ATP2B2: variants seen among roughly 807,000 people sequenced by gnomAD.
ATP2B2 encodes the protein ATPase plasma membrane Ca2+ transporting 2, also known as plasma membrane calcium-transporting ATPase 2.
A neutral mutation model predicts 120.0 loss-of-function variants in ATP2B2; 15 were observed. That is an observed-to-expected ratio of 0.12 (90% CI 0.08 to 0.19). ATP2B2 has a LOEUF of 0.19. ATP2B2 is among the 10% of genes least tolerant of loss of function. ATP2B2 has a pLI of 1.00. For missense variants in ATP2B2, 1,045 were observed against 1,719.8 expected (o/e 0.61, Z 6.94); for synonymous variants, 694 against 700.3 (o/e 0.99, Z 0.14).
chr3:10,679,836 C>T (rs1380801110), intron 1 of ATP2B2, among the ~76,000 whole-genome samples: 1 of 152,060 alleles, frequency 6.6e-6, no homozygotes, highest in Non-Finnish European at 1.5e-5. Flanking sequence ...GAATGGTAAA[C>T]CCAATGCAGG....
chr3:10,557,342 G>A (rs934764744), intron 2 of ATP2B2, among the ~76,000 whole-genome samples: 3 of 152,222 alleles, frequency 2.0e-5, no homozygotes, highest in Non-Finnish European at 4.4e-5. Context: ...TCAAGCTGCC[G>A]ATGCTTTGCC....
At chr3:10,609,918 G>A (rs1014250018) in intron 2 of ATP2B2, among the ~76,000 whole-genome samples, 1 of 151,996 alleles carries the variant, frequency 6.6e-6, no homozygotes, top group African/African-American at 2.4e-5. Flanking sequence ...GCCACAATGG[G>A]GCTTCTGATG....
At chr3:10,601,054 C>T (rs2068894966) in intron 2 of ATP2B2, among the ~76,000 whole-genome samples, 2 of 152,190 alleles carry the variant, frequency 1.3e-5, no homozygotes, top group Admixed American at 1.3e-4. Context: ...CCAGGAGACC[C>T]CTGTGGGTCT....
chr3:10,417,480 T>C (rs1371733319), intron 2 of ATP2B2, among the ~76,000 whole-genome samples: 4 of 152,214 alleles, frequency 2.6e-5, no homozygotes, highest in Non-Finnish European at 4.4e-5. Context: ...CGGCCCACAA[T>C]GGGTGTCCTG....
chr3:10,365,473 G>C (rs146070762), intron 12 of ATP2B2, among the ~76,000 whole-genome samples: 42 of 152,306 alleles, frequency 2.8e-4, no homozygotes, highest in African/African-American at 8.7e-4. Context: ...TCCCCAGAGT[G>C]GGGGAGGGCA....
chr3:10,523,914 T>G (rs565360957), intron 3 of ATP2B2, among the ~76,000 whole-genome samples: 1 of 152,152 alleles, frequency 6.6e-6, no homozygotes. Flanking sequence ...CAGCTACTTG[T>G]GAGAGCAGCC....
At chr3:10,452,283 G>A (rs536497664) in intron 1 of ATP2B2, among the ~76,000 whole-genome samples, 3 of 152,344 alleles carry the variant, frequency 2.0e-5, no homozygotes, top group African/African-American at 7.2e-5. Context: ...TCTGGGGAGA[G>A]TGTTGGCATT....
intron 1 of ATP2B2, among the ~76,000 whole-genome samples, chr3:10,660,424 C>A (rs142087920): frequency 2.0e-3 from 304 of 152,116 alleles, no homozygotes; most frequent in African/African-American, 4.2e-3. Context: ...ATATCACCAG[C>A]GATCCCACAG....
Position 10,388,271 on chromosome 3 carries a change from G to C in ATP2B2, c.907+6C>G, listed in dbSNP as rs767959188. On this transcript the variant is annotated splice_donor_region_variant and intron_variant, in intron 6 of 22. Transcript: ENST00000360273. ...CTCTCCTGGTCTGCAAGGGGATTAGGCTTACCTTTTTTGTCTTTCTTCTCT... is the reference window on the plus strand; with the variant it reads ...CTCTCCTGGTCTGCAAGGGGATTAGCCTTACCTTTTTTGTCTTTCTTCTCT... The C allele has an allele frequency of 6.8e-6, 11 of 1,614,124 alleles. No individual in the cohort carries two copies. Among genetic ancestry groups the C allele is most frequent in the African/African-American group, 1.3e-5 (1 of 75,026 alleles).
At position 10,449,573 on chromosome 3, in the gene ATP2B2, C is replaced by T. The variant is rs375858286; in HGVS notation, c.-30G>A. ...GCTGCGGTCCTTGCTCGGGCTGGGC[C>T]CAAGGGTCAGCGCTGGACAAGAGGC... On this transcript the variant is annotated 5_prime_UTR_variant, in exon 2 of 23. Coordinates refer to ENST00000360273, the MANE Select transcript of ATP2B2 (RefSeq NM_001001331.4). 1 of 1,613,872 alleles carries T rather than the reference C, an allele frequency of 6.2e-7. No homozygotes were observed. Among genetic ancestry groups the T allele is most frequent in the African/African-American group, 1.3e-5 (1 of 74,912 alleles).
intron 1 of ATP2B2, among the ~76,000 whole-genome samples, chr3:10,650,808 C>T (rs1464033240): frequency 6.6e-6 from 1 of 152,192 alleles, no homozygotes; most frequent in Non-Finnish European, 1.5e-5. Context: ...CAATGCCAGC[C>T]CCTGAAAGCA....
chr3:10,656,827 C>A (rs1403722792), intron 1 of ATP2B2, among the ~76,000 whole-genome samples: 1 of 152,214 alleles, frequency 6.6e-6, no homozygotes, highest in Non-Finnish European at 1.5e-5. Flanking sequence ...AAGAAGAAGC[C>A]AGCCCTGGGA....
chr3:10,407,240 T>A (rs980151565), intron 3 of ATP2B2, among the ~76,000 whole-genome samples: 7 of 152,160 alleles, frequency 4.6e-5, no homozygotes, highest in African/African-American at 1.7e-4. Flanking sequence ...GGGCTGAGGA[T>A]GTCCATTCCA....
At chr3:10,337,653 G>A (rs3846108) in intron 22 of ATP2B2, among the ~76,000 whole-genome samples, 29,804 of 152,130 alleles carry the variant, frequency 0.2, 3,295 homozygotes, top group South Asian at 0.27. Context: ...GTCTGTGTGT[G>A]CTTGAGGATG....
At chr3:10,492,762 AC>A (rs1413153160) in intron 1 of ATP2B2, among the ~76,000 whole-genome samples, 1 of 152,088 alleles carries the variant, frequency 6.6e-6, no homozygotes, top group Non-Finnish European at 1.5e-5. Flanking sequence ...CAACCTCTCC[AC>A]TGTCATTTCT....
intron 1 of ATP2B2, among the ~76,000 whole-genome samples, chr3:10,680,742 C>T (rs2125702140): frequency 6.6e-6 from 1 of 152,270 alleles, no homozygotes; most frequent in East Asian, 1.9e-4. Flanking sequence ...TATGGCTTTC[C>T]TGGGAAAACA....
chr3:10,666,362 C>T (rs952235417), intron 1 of ATP2B2, among the ~76,000 whole-genome samples: 8 of 152,222 alleles, frequency 5.3e-5, no homozygotes, highest in Non-Finnish European at 1.2e-4. Flanking sequence ...GACCTGGAAC[C>T]TTGCTCCTCT....
At chr3:10,636,160 C>T (rs2070016039) in intron 1 of ATP2B2, among the ~76,000 whole-genome samples, 1 of 152,198 alleles carries the variant, frequency 6.6e-6, no homozygotes, top group African/African-American at 2.4e-5. Flanking sequence ...TCCTGCAGCC[C>T]ATGAGCATTC....
intron 2 of ATP2B2, among the ~76,000 whole-genome samples, chr3:10,443,386 T>G (rs962820296): frequency 6.6e-6 from 1 of 152,092 alleles, no homozygotes; most frequent in Admixed American, 6.5e-5. Context: ...CCAGGTCTGA[T>G]CTATCAGCCC....
Sources: allele counts gnomAD v4.1 joint callset (sites outside exome capture counted in the v4.1 genomes callset), GRCh38; gene constraint gnomAD v4.1.1; transcripts MANE v1.5; gene names NCBI Gene and HGNC (gene_info 2026-07-23, HGNC 2026-07-21).